Variants in TMEM165 observed in about 807,000 individuals in gnomAD.
The protein encoded by TMEM165 is putative divalent cation/proton antiporter TMEM165.
TMEM165 carries 19 observed loss-of-function variants against 30.0 expected under a neutral mutation model. That is an observed-to-expected ratio of 0.63 (90% confidence interval 0.44 to 0.93). The LOEUF is 0.93. Among genes scored for constraint, TMEM165 ranks in the 40% least tolerant of loss-of-function variants. The pLI is 0.00. For missense variants in TMEM165, 340 were observed against 417.0 expected, an observed-to-expected ratio of 0.82 and a Z score of 1.61; for synonymous variants, 168 against 162.9, an observed-to-expected ratio of 1.03 and a Z score of -0.24.
intron 3 of TMEM165, chr4:55,450,163 G>A: frequency 6.2e-7 from 1 of 1,614,032 alleles, no homozygotes; most frequent in Non-Finnish European, 8.5e-7. Context: ...GTTGGGCTGT[G>A]ATCAAACCTT....
chr4:55,427,709 A>C (rs1242644475), downstream of TMEM165, among the ~76,000 whole-genome samples: 1 of 152,214 alleles, frequency 6.6e-6, no homozygotes, highest in African/African-American at 2.4e-5. Context: ...ATCATCGTGT[A>C]ACCTCAGTTC....
chr4:55,433,791 T>C (rs1340153762), intron 3 of TMEM165: 1 of 152,222 alleles, frequency 6.6e-6, no homozygotes, highest in African/African-American at 2.4e-5. Flanking sequence ...GAATATGATA[T>C]TGCCAAAGGA....
intron 3 of TMEM165, chr4:55,442,134 G>A: frequency 6.3e-6 from 2 of 315,272 alleles, no homozygotes; most frequent in Non-Finnish European, 1.2e-5. Flanking sequence ...AAAGACAAAA[G>A]CTTCACAGTG....
chr4:55,401,912 T>G (rs1721011956), intron 1 of TMEM165, among the ~76,000 whole-genome samples: 1 of 149,132 alleles, frequency 6.7e-6, no homozygotes, highest in Non-Finnish European at 1.5e-5. Flanking sequence ...AGGTCAAGAG[T>G]TCTAGACCAG....
At chr4:55,405,651 T>G (rs555999742) in intron 1 of TMEM165, among the ~76,000 whole-genome samples, 137 of 152,182 alleles carry the variant, frequency 9.0e-4, no homozygotes, top group Non-Finnish European at 1.6e-3. Flanking sequence ...GCCTACCTTT[T>G]TTTAAAGGTC....
chr4:55,446,487 T>C (rs535628031), intron 3 of TMEM165, among the ~76,000 whole-genome samples: 22 of 152,180 alleles, frequency 1.4e-4, no homozygotes, highest in Non-Finnish European at 2.6e-4. Flanking sequence ...TTACCCAAAG[T>C]TGCAAAAATC....
At chr4:55,426,656 GTA>G (rs1722214247), downstream of TMEM165, among the ~76,000 whole-genome samples, 1 of 152,180 alleles carries the variant, frequency 6.6e-6, no homozygotes, top group South Asian at 2.1e-4. Context: ...TTTGTGTGAG[GTA>G]TAATAGGAGA....
chr4:55,405,224 G>C (rs897871934), intron 1 of TMEM165, among the ~76,000 whole-genome samples: 1 of 152,094 alleles, frequency 6.6e-6, no homozygotes, highest in Non-Finnish European at 1.5e-5. Flanking sequence ...GTTATTAATA[G>C]ATTCTTGGAA....
chr4:55,449,993 A>T, intron 3 of TMEM165: 2 of 1,409,086 alleles, frequency 1.4e-6, no homozygotes, highest in Non-Finnish European at 2.0e-6. Flanking sequence ...AAAAACTTAT[A>T]ATTTTAAAGA....
chr4:55,406,601 G>A (rs994328044), intron 1 of TMEM165, among the ~76,000 whole-genome samples: 5 of 152,016 alleles, frequency 3.3e-5, no homozygotes, highest in South Asian at 2.1e-4. Context: ...ATAATATTCC[G>A]TTATGTGGAT....
chr4:55,417,422 T>C (rs1721781254), intron 3 of TMEM165, among the ~76,000 whole-genome samples, 175 bp downstream of exon 3: 1 of 152,164 alleles, frequency 6.6e-6, no homozygotes, highest in South Asian at 2.1e-4. Flanking sequence ...TTGGTGTGAA[T>C]GTAGTAGAGA....
At chr4:55,414,232 T>C (rs1370165875) in intron 2 of TMEM165, among the ~76,000 whole-genome samples, 2 of 150,510 alleles carry the variant, frequency 1.3e-5, no homozygotes, top group Non-Finnish European at 2.9e-5. Flanking sequence ...ATTGTGCCAC[T>C]GCACTCCAGC....
downstream of TMEM165, among the ~76,000 whole-genome samples, chr4:55,426,792 G>GTAAC (rs1178284500): frequency 6.6e-6 from 1 of 152,174 alleles, no homozygotes; most frequent in Admixed American, 6.5e-5. Context: ...GTCCTACATG[G>GTAAC]TAACTCTGTG....
At chr4:55,418,884 A>G (rs1721850610) in intron 4 of TMEM165, among the ~76,000 whole-genome samples, 1 of 151,992 alleles carries the variant, frequency 6.6e-6, no homozygotes. Flanking sequence ...CCTACTACTA[A>G]AAATACAAAA....
At chr4:55,427,036 A>ATTT (rs1195135340), downstream of TMEM165, among the ~76,000 whole-genome samples, 1 of 56,518 alleles carries the variant, frequency 1.8e-5, no homozygotes. Flanking sequence ...TCTCACTAGT[A>ATTT]TTTTTTTTTT....
chr4:55,449,414 CCTT>C, intron 3 of TMEM165: 2 of 1,613,834 alleles, frequency 1.2e-6, no homozygotes, highest in Non-Finnish European at 1.7e-6. Flanking sequence ...TAAATGATGA[CCTT>C]CTTTGCACCA....
intron 3 of TMEM165, chr4:55,442,165 C>T: frequency 4.8e-6 from 2 of 418,334 alleles, no homozygotes; most frequent in South Asian, 2.9e-5. Context: ...TGTCATAAAC[C>T]TTTTCTAACA....
chr4:55,400,327 A>ATATAATATAATATTAATTATATTAT (rs1338838186), intron 1 of TMEM165, among the ~76,000 whole-genome samples: 3 of 80,270 alleles, frequency 3.7e-5, no homozygotes, highest in Non-Finnish European at 7.1e-5. Flanking sequence ...ACTGTATTAT[A>ATATAATATAATATTAATTATATTAT]TATAATATAA....
chr4:55,437,420 C>G (rs1722971972), intron 3 of TMEM165, among the ~76,000 whole-genome samples: 1 of 152,236 alleles, frequency 6.6e-6, no homozygotes, highest in South Asian at 2.1e-4. Context: ...ATCCTGAGGT[C>G]CAGATAAGGG....
Sources: gnomAD v4.1 joint callset for allele counts (sites outside exome capture counted in the v4.1 genomes callset) on GRCh38, gnomAD v4.1.1 for gene constraint, MANE v1.5 for transcripts, NCBI Gene and HGNC (gene_info 2026-07-23, HGNC 2026-07-21) for gene names.